Variants in PFKP observed in about 807,000 individuals in gnomAD.
PFKP encodes ATP-dependent 6-phosphofructokinase, platelet type.
A neutral mutation model predicts 94.3 loss-of-function variants in PFKP; 101 were observed. The ratio of observed to expected loss-of-function variants is 1.07; its 90% CI spans 0.91 to 1.26. The LOEUF is 1.26. Ranked by LOEUF, PFKP falls within the 50% of genes most tolerant of loss-of-function variation. The pLI is 0.00. For missense variants in PFKP, 1,145 were observed against 1,103.3 expected (o/e 1.04, Z -0.53); for synonymous variants, 573 against 432.6 (o/e 1.32, Z -4.03).
chr10:3,082,804 C>T (rs1261650607), intron 2 of PFKP, among the ~76,000 whole-genome samples: 1 of 152,164 alleles, frequency 6.6e-6, no homozygotes, highest in Non-Finnish European at 1.5e-5. Context: ...CTGCAACCTG[C>T]TGGGTTCAAG....
intron 1 of PFKP, among the ~76,000 whole-genome samples, chr10:3,080,951 T>C (rs1025655110): frequency 1.3e-5 from 2 of 151,998 alleles, no homozygotes; most frequent in African/African-American, 4.8e-5. Flanking sequence ...GAGGAGGAAA[T>C]GATCAGGGTG....
intron 1 of PFKP, among the ~76,000 whole-genome samples, chr10:3,077,526 A>T (rs1345838435): frequency 6.6e-6 from 1 of 151,796 alleles, no homozygotes; most frequent in Non-Finnish European, 1.5e-5. Context: ...TTGGCCTCCC[A>T]AAGTGCTGGG....
chr10:3,121,902 G>GC (rs1482844701), intron 16 of PFKP, among the ~76,000 whole-genome samples: 15 of 135,134 alleles, frequency 1.1e-4, no homozygotes, highest in Non-Finnish European at 6.1e-5. Context: ...ATTCACTGCA[G>GC]CCTCGACCTC....
At chr10:3,071,947 G>A (rs1265688163) in intron 1 of PFKP, among the ~76,000 whole-genome samples, 1 of 152,238 alleles carries the variant, frequency 6.6e-6, no homozygotes, top group East Asian at 1.9e-4. Flanking sequence ...AGTTCACAGA[G>A]CTCCGTGGTG....
intron 16 of PFKP, among the ~76,000 whole-genome samples, chr10:3,127,067 C>T (rs1348606397): frequency 1.3e-5 from 2 of 152,276 alleles, no homozygotes; most frequent in African/African-American, 2.4e-5. Context: ...TGGGATCTGC[C>T]GCCTTCTTGT....
intron 1 of PFKP, among the ~76,000 whole-genome samples, chr10:3,072,001 G>A (rs892863410): frequency 6.6e-6 from 1 of 152,180 alleles, no homozygotes; most frequent in Non-Finnish European, 1.5e-5. Flanking sequence ...AGGGCTGCGC[G>A]TACCTGCGTC....
chr10:3,133,253 A>G lies in PFKP; in HGVS notation c.1961A>G (p.Tyr654Cys), dbSNP rs768941268. Residue 654 changes from tyrosine to cysteine, a missense_variant, in exon 19 of 22, where the codon TAT becomes TGT. Tyr to Cys is a radical substitution (Grantham distance 194, BLOSUM62 -2). Transcript: ENST00000381125. ...ACCACCGACTTCATTTACCAGCTGTATTCAGAAGAGGGCAAAGGCGTGTTT... is the reference window on the plus strand; with the variant it reads ...ACCACCGACTTCATTTACCAGCTGTGTTCAGAAGAGGGCAAAGGCGTGTTT... ...NYTTDFIYQL[Y>C]SEEGKGVFDC... 6.2e-7 allele frequency: 1 copy of G among 1,614,166 alleles called. No homozygotes were observed. Among genetic ancestry groups the G allele is most frequent in the Non-Finnish European group, 8.5e-7 (1 of 1,179,988 alleles).
chr10:3,100,323 T>TG, intron 3 of PFKP, among the ~76,000 whole-genome samples: 1 of 152,110 alleles, frequency 6.6e-6, no homozygotes, highest in Non-Finnish European at 1.5e-5. Context: ...GGTTGGGTTG[T>TG]AAATGGTCTC....
At chr10:3,071,500 C>G (rs1832195720) in intron 1 of PFKP, among the ~76,000 whole-genome samples, 1 of 130,236 alleles carries the variant, frequency 7.7e-6, no homozygotes, top group Admixed American at 8.8e-5. Flanking sequence ...CAAGACATGT[C>G]TGGAAACTTA....
intron 3 of PFKP, chr10:3,100,862 C>A (rs1365647310): frequency 1.8e-4 from 116 of 657,182 alleles, no homozygotes; most frequent in African/African-American, 6.1e-4. Flanking sequence ...GTATGTGGTG[C>A]AAAAAAAAAA....
chr10:3,135,099 T>A (rs1002088757), intron 20 of PFKP, among the ~76,000 whole-genome samples: 2 of 152,226 alleles, frequency 1.3e-5, no homozygotes, highest in African/African-American at 2.4e-5. Context: ...TCAAGAAACA[T>A]GACTTTTTTA....
At chr10:3,100,783 A>G (rs1834912748) in intron 3 of PFKP, 1 of 576,688 alleles carries the variant, frequency 1.7e-6, no homozygotes, top group South Asian at 2.3e-5. Flanking sequence ...ATCATGATCT[A>G]TGTCCCCTGG....
chr10:3,112,326 C>T (rs368400057), intron 11 of PFKP, 40 bp downstream of exon 11: 1 of 1,486,052 alleles, frequency 6.7e-7, no homozygotes, highest in South Asian at 1.1e-5. Context: ...GTCAGGAACA[C>T]ACACCCCTCA....
intron 6 of PFKP, 89 bp downstream of exon 6, chr10:3,105,248 G>A (rs1288715248): frequency 9.3e-6 from 13 of 1,399,622 alleles, no homozygotes; most frequent in African/African-American, 1.4e-5. Flanking sequence ...CATCCTGAAT[G>A]CTCCCGTGGA....
chr10:3,086,634 G>GA (rs1833627776), intron 2 of PFKP, among the ~76,000 whole-genome samples: 1 of 152,152 alleles, frequency 6.6e-6, no homozygotes, highest in African/African-American at 2.4e-5. Flanking sequence ...AAACAAGGCC[G>GA]AGGGACCCTG....
chr10:3,135,197 C>A (rs1003248681), intron 20 of PFKP, among the ~76,000 whole-genome samples: 3 of 152,126 alleles, frequency 2.0e-5, no homozygotes, highest in African/African-American at 7.2e-5. Flanking sequence ...ACCCCCACCC[C>A]CCTCAGCTTT....
At chr10:3,102,008 T>A (rs947863749) in intron 4 of PFKP, among the ~76,000 whole-genome samples, 3 of 150,552 alleles carry the variant, frequency 2.0e-5, no homozygotes, top group African/African-American at 7.3e-5. Flanking sequence ...TCCCAGCACT[T>A]TGGGAGGCCG....
intron 1 of PFKP, 102 bp downstream of exon 1, chr10:3,067,809 A>AG: frequency 3.0e-6 from 1 of 338,400 alleles, no homozygotes. Flanking sequence ...GGGGGAAGCG[A>AG]TGGGGGGGAC....
intron 8 of PFKP, among the ~76,000 whole-genome samples, chr10:3,107,536 C>T (rs950196806): frequency 1.3e-5 from 2 of 152,250 alleles, no homozygotes; most frequent in Non-Finnish European, 2.9e-5. Context: ...GTAGAGGTTC[C>T]GGGACTCCCC....
Sources: gnomAD v4.1 joint callset for allele counts (sites outside exome capture counted in the v4.1 genomes callset) on GRCh38, gnomAD v4.1.1 for gene constraint, MANE v1.5 for transcripts, NCBI Gene and HGNC (gene_info 2026-07-23, HGNC 2026-07-21) for gene names.